MED12: variants seen among roughly 807,000 people sequenced by gnomAD.
MED12 encodes the protein mediator of RNA polymerase II transcription subunit 12.
In MED12, 10 loss-of-function variants were observed where a neutral mutation model predicts 177.7. That is an observed-to-expected ratio of 0.06 (90% CI 0.03 to 0.10). MED12 has a LOEUF of 0.10. MED12 is among the 10% of genes least tolerant of loss of function. The pLI is 1.00. For synonymous variants in MED12, 641 were observed against 678.4 expected (o/e 0.94, Z 0.86); for missense variants, 867 against 1,780.8 (o/e 0.49, Z 9.23).
intron 24 of MED12, 130 bp downstream of exon 24, chrX:71,128,848 C>G (rs935569485): frequency 3.6e-6 from 3 of 842,905 alleles, no homozygotes; most frequent in Non-Finnish European, 5.2e-6. Flanking sequence ...GAAGGCCAGT[C>G]CTTTGGTATG....
chrX:71,129,668 C>T lies in MED12; in HGVS notation c.3692-12C>T, dbSNP rs1343656787. On this transcript the variant is annotated splice_polypyrimidine_tract_variant and intron_variant, in intron 26 of 44. Transcript: ENST00000374080. The stretch of plus-strand genomic sequence containing the variant: ...CACTCTGCCCTCCCTATCTCCCACC[C>T]GTGAACCACAGGGGATGCGGAACTG... 1.3e-5 allele frequency: 15 copies of T among 1,174,831 alleles called. No homozygotes were observed. Among genetic ancestry groups the T allele is most frequent in the Middle Eastern group, 2.5e-4 (1 of 3,939 alleles).
Position 71,128,584 on chromosome X carries a change from G to GT in MED12, c.3355-8dup, listed in dbSNP as rs750373111. 404 of 1,208,819 alleles carry GT rather than the reference G, an allele frequency of 3.3e-4. No individual in the cohort carries two copies. The highest frequency in any genetic ancestry group is 4.3e-4 in the Non-Finnish European group (384 of 895,031). On this transcript the variant is annotated splice_polypyrimidine_tract_variant and intron_variant, in intron 23 of 44. Coordinates refer to ENST00000374080, the MANE Select transcript of MED12 (RefSeq NM_005120.3). ...CCACACTGAGTCATGGTGTCTGTCTGTTTTTTCCTCCAGGTCAGTGACCTA... is the reference window on the plus strand; with the variant it reads ...CCACACTGAGTCATGGTGTCTGTCTGTTTTTTTCCTCCAGGTCAGTGACCTA...
rs770639478 is a variant in MED12 at position 71,122,492 on chromosome X, C to T, written c.1249-16C>T. ...GCCTTGGTACATCCTTGTAGCCTTC[C>T]TTTTTAACATTGCAGGTCCGTGCAA... On this transcript the variant is annotated splice_polypyrimidine_tract_variant and intron_variant, in intron 8 of 44. Coordinates refer to ENST00000374080, the MANE Select transcript of MED12 (RefSeq NM_005120.3). 6 of 1,206,385 alleles carry T rather than the reference C, an allele frequency of 5.0e-6. No homozygotes were observed. In the Admixed American group the frequency reaches 8.7e-5, roughly 18 times the overall value.
chrX:71,141,120 T>C (rs2147841127), intron 42 of MED12, 110 bp from the exon 43 acceptor site: 2 of 1,147,328 alleles, frequency 1.7e-6, no homozygotes, highest in East Asian at 3.3e-5. Flanking sequence ...GGGAAGGCAG[T>C]AGACCCCGAG....
intron 13 of MED12, 94 bp downstream of exon 13, chrX:71,124,482 A>T (rs1232059218): frequency 1.5e-6 from 1 of 673,525 alleles, no homozygotes; most frequent in Non-Finnish European, 2.3e-6. Flanking sequence ...TGCCTGGGGG[A>T]GGGGGGTAGT....
Position 71,142,300 on chromosome X carries a change from C to T in MED12, c.*82C>T. ...CCCAATCCCATTCCTGGGCTAGCAC[C>T]AGTAGTGGTTGGGGCCCTCCCCTCA... On this transcript the variant is annotated 3_prime_UTR_variant, in exon 45 of 45. Coordinates refer to ENST00000374080, the MANE Select transcript of MED12 (RefSeq NM_005120.3). The T allele has an allele frequency of 9.6e-7, 1 of 1,042,003 alleles. No homozygotes were observed. The highest frequency in any genetic ancestry group is 1.8e-5 in the African/African-American group (1 of 54,568). The allele number at this position is 1,042,003 out of a possible 1,213,427, so 85.9% of individuals were successfully genotyped here. A position where few individuals can be genotyped will look rare whatever the true frequency, so the allele number is the denominator to read the frequency against.
chrX:71,124,913 G>T lies in MED12; in HGVS notation c.2056-63G>T, dbSNP rs5030616. Reference sequence around the variant, plus strand: ...TTCCCATTATGCCTGCTTTTGGCATGTTTTTTTGCCCCCTCATCCACTTTC... The same window carrying T: ...TTCCCATTATGCCTGCTTTTGGCATTTTTTTTTGCCCCCTCATCCACTTTC... On this transcript the variant is annotated intron_variant, in intron 14 of 44. Transcript: ENST00000374080. 0.28 allele frequency: 330,806 copies of T among 1,186,984 alleles called. 35,373 individuals are homozygous for T. The highest frequency in any genetic ancestry group is 0.4 in the Middle Eastern group (1,728 of 4,284).
Position 71,137,912 on chromosome X carries a change from A to G in MED12, c.6013A>G (p.Thr2005Ala). The change falls in exon 41 of 45, where the codon ACC (threonine) becomes GCC (alanine). Residue 2005 changes from threonine to alanine, a missense_variant. Transcript: ENST00000374080. ...PSGYVHQQAP[T>A]YGHGLTSTQR... ...TGGCTATGTGCACCAGCAGGCCCCC[A>G]CCTATGGACATGGACTGACCTCCAC... 8.3e-7 allele frequency: 1 copy of G among 1,211,346 alleles called. No homozygotes were observed. Among genetic ancestry groups the G allele is most frequent in the Non-Finnish European group, 1.1e-6 (1 of 895,366 alleles).
intron 35 of MED12, 99 bp from the exon 36 acceptor site, chrX:71,134,992 TG>T: frequency 8.7e-7 from 1 of 1,153,165 alleles, no homozygotes; most frequent in Non-Finnish European, 1.2e-6. Context: ...ATTTACTGAG[TG>T]GGGGTCTTCT....
rs200328506 is a variant in MED12, at chrX:71,136,988, G to C, written c.5510G>C (p.Gly1837Ala). ...ATAACACACCTTAACTACAGGCAAGGCTCCATAGGCCTGTACACCCAGAAC... is the reference window on the plus strand; with the variant it reads ...ATAACACACCTTAACTACAGGCAAGCCTCCATAGGCCTGTACACCCAGAAC... ...GSITHLNYRQ[G>A]SIGLYTQNQP... Residue 1837 changes from glycine (G) to alanine (A), a missense_variant, in exon 38 of 45, where the codon GGC becomes GCC. Gly to Ala is a moderately conservative substitution (Grantham distance 60). Around this residue, in one of 14 missense-constraint regions of MED12, gnomAD observed 236 missense variants for 345.2 expected, o/e 0.68. Transcript: ENST00000374080. The C allele has an allele frequency of 3.1e-5, 37 of 1,200,777 alleles. No homozygotes were observed. The highest frequency in any genetic ancestry group is 4.1e-5 in the Non-Finnish European group (37 of 891,591).
intron 8 of MED12, 52 bp downstream of exon 8, chrX:71,122,398 T>C (rs933676457): frequency 1.7e-6 from 2 of 1,199,719 alleles, no homozygotes; most frequent in South Asian, 3.5e-5. Context: ...GAGGCTAAAT[T>C]ACTCTTTCAG....
chrX:71,137,504 T>A, intron 39 of MED12, 54 bp from the exon 40 acceptor site: 1 of 1,138,268 alleles, frequency 8.8e-7, no homozygotes, highest in Middle Eastern at 2.7e-4. Flanking sequence ...ACACAAGAGA[T>A]GAGATGGCAG....
Position 71,134,466 on chromosome X carries a change from A to G in MED12, c.4727A>G (p.Asn1576Ser). 9.0e-7 allele frequency: 1 copy of G among 1,105,142 alleles called. No homozygotes were observed. Among genetic ancestry groups the G allele is most frequent in the Non-Finnish European group, 1.2e-6 (1 of 815,151 alleles). 91.1% of individuals were successfully genotyped at this position (1,105,142 alleles called of 1,213,427 possible). A position where few individuals can be genotyped will look rare whatever the true frequency, so the allele number is the denominator to read the frequency against. Residue 1576 changes from asparagine (N) to serine (S), a missense_variant and splice_region_variant, in exon 34 of 45, where the codon AAT becomes AGT. Transcript: ENST00000374080. ...ISGTVDMQSN[N>S]ELFTTVLDML... The stretch of plus-strand genomic sequence containing the variant: ...GGCACTGTCGACATGCAGTCCAACA[A>G]GTAAAGCATCCCCACCCGCTCCCTG...
Position 71,134,411 on chromosome X carries a change from G to A in MED12, c.4672G>A (p.Ala1558Thr). ...QRSTQQTTEW[A>T]MLLLEIIISG... ...CAGCACCCAGCAGACCACGGAGTGG[G>A]CCATGCTCCTCCTGGAGATCATCAT... is the stretch of plus-strand genomic sequence containing the variant. The change falls in exon 34 of 45, where the codon GCC (alanine) becomes ACC (threonine). Residue 1558 changes from alanine (A) to threonine (T), a missense_variant. By Grantham distance (58) the Ala-to-Thr change is moderately conservative (BLOSUM62 0). Transcript: ENST00000374080. 8.5e-7 allele frequency: 1 copy of A among 1,170,757 alleles called. No individual in the cohort carries two copies. Among genetic ancestry groups the A allele is most frequent in the Admixed American group, 2.5e-5 (1 of 40,332 alleles).
In MED12 at chrX:71,119,388, T is replaced by C; in HGVS notation, c.115T>C (p.Leu39=). ...CCTGCCTCAGGATGAACTGACGGCC[T>C]TGAATGTAAAACAAGGTTTCAATAA... ...PKQKEDELTA[L]NVKQGFNNQP... is the part of the protein sequence containing the mutation. Residue 39 remains leucine (L), a synonymous_variant, in exon 2 of 45, where the codon TTG becomes CTG. Coordinates refer to ENST00000374080, the MANE Select transcript of MED12 (RefSeq NM_005120.3). 1 of 1,196,450 alleles carries C rather than the reference T, an allele frequency of 8.4e-7. No individual in the cohort carries two copies. The highest frequency in any genetic ancestry group is 1.1e-6 in the Non-Finnish European group (1 of 886,599).
At position 71,137,618 on chromosome X, in the gene MED12, G is replaced by A. The variant is rs781638379; in HGVS notation, c.5809G>A (p.Gly1937Ser). The A allele has an allele frequency of 1.2e-5, 15 of 1,207,798 alleles. No individual in the cohort carries two copies. In the East Asian group the frequency reaches 1.8e-4, roughly 14 times the overall value. ...TCAGATGACTCCCAGCTCTTCCTAC[G>A]GTTTGCAGACTTCCCAGGTAAGAGC... Reference protein sequence around the residue: ...VHQMTPSSSYGLQTSQGYTPY... With the variant: ...VHQMTPSSSYSLQTSQGYTPY... The change falls in exon 40 of 45, where the codon GGT becomes AGT. Residue 1937 changes from glycine (G) to serine (S), a missense_variant. Around this residue, in one of 14 missense-constraint regions of MED12, gnomAD observed 236 missense variants for 345.2 expected, o/e 0.68. Coordinates refer to ENST00000374080, the MANE Select transcript of MED12 (RefSeq NM_005120.3).
chrX:71,137,015 A>G lies in MED12; in HGVS notation c.5537A>G (p.Gln1846Arg). The change falls in exon 38 of 45, where the codon CAG becomes CGG. Residue 1846 changes from glutamine (Q) to arginine (R), a missense_variant. Transcript: ENST00000374080. Reference sequence around the variant, plus strand: ...TCCATAGGCCTGTACACCCAGAACCAGCCACTACCTGCAGGTGAGTGCCAG... The same window carrying G: ...TCCATAGGCCTGTACACCCAGAACCGGCCACTACCTGCAGGTGAGTGCCAG... ...QGSIGLYTQN[Q>R]PLPAGGPRVD... 8.4e-7 allele frequency: 1 copy of G among 1,196,996 alleles called. No homozygotes were observed. The highest frequency in any genetic ancestry group is 1.1e-6 in the Non-Finnish European group (1 of 888,818).
In MED12 at chrX:71,121,519, C is replaced by G. The variant is rs191831783; in HGVS notation, c.847-43C>G. On this transcript the variant is annotated intron_variant, in intron 6 of 44. Transcript: ENST00000374080. ...GAAGAATAAAATGTTAGAGCAGGGTCCCCTGGAGAGAACTAGGGGCTCTGA... is the reference window on the plus strand; with the variant it reads ...GAAGAATAAAATGTTAGAGCAGGGTGCCCTGGAGAGAACTAGGGGCTCTGA... 30 of 1,208,692 alleles carry G rather than the reference C, an allele frequency of 2.5e-5. No homozygotes were observed. In the East Asian group the frequency reaches 8.6e-4, roughly 35 times the overall value.
In MED12 at chrX:71,121,816, G is replaced by A; in HGVS notation, c.1101G>A (p.Gln367=). The part of the protein sequence containing the change: ...PLVFGLSCIL[Q]TILLCCPSAL... ...TTTTTGGCCTCAGCTGTATCCTACA[G>A]GTAGGTACTAGGCGGGCCCAAGGAA... is the stretch of plus-strand genomic sequence containing the variant. Residue 367 remains glutamine (Q), a splice_region_variant and synonymous_variant, in exon 7 of 45, where the codon CAG becomes CAA. Coordinates refer to ENST00000374080, the MANE Select transcript of MED12 (RefSeq NM_005120.3). 1.6e-6 allele frequency: 2 copies of A among 1,212,147 alleles called. No homozygotes were observed. The highest frequency in any genetic ancestry group is 2.2e-6 in the Non-Finnish European group (2 of 895,612).
Sources: gnomAD v4.1 joint callset for allele counts on GRCh38, gnomAD v4.1.1 for gene constraint, gnomAD v4.1.1 regional missense constraint, MANE v1.5 for transcripts, NCBI Gene and HGNC (gene_info 2026-07-23, HGNC 2026-07-21) for gene names.